DACH1: variants seen among roughly 807,000 people sequenced by gnomAD.
DACH1 encodes dachshund homolog 1.
A neutral mutation model predicts 54.2 loss-of-function variants in DACH1; 12 were observed. That is an observed-to-expected ratio of 0.22 (90% confidence interval 0.14 to 0.36). The LOEUF is 0.36. DACH1 is among the 10% of genes least tolerant of loss of function. DACH1 has a pLI of 1.00. For synonymous variants in DACH1, 386 were observed against 366.2 expected (o/e 1.05, Z -0.62); for missense variants, 805 against 929.8 (o/e 0.87, Z 1.75).
At position 71,559,830 on chromosome 13, in the gene DACH1, A is replaced by G. The variant is rs1202829247; in HGVS notation, c.1425T>C (p.Ser475=). The stretch of plus-strand genomic sequence containing the variant: ...AAGTATGAGACCTACGGATTCTGTC[A>G]GAAGAGCTCTCAGTCCGAGCAGGGG... The part of the protein sequence containing the change: ...SSSPARTESS[S]DRIPVHQNGL... Residue 475 remains serine, a synonymous_variant, in exon 5 of 11, where the codon TCT becomes TCC. Coordinates refer to ENST00000613252, the MANE Select transcript of DACH1 (RefSeq NM_080759.6). 3.7e-6 allele frequency: 6 copies of G among 1,613,778 alleles called. No individual in the cohort carries two copies. Among genetic ancestry groups the G allele is most frequent in the South Asian group, 2.2e-5 (2 of 91,070 alleles).
chr13:71,852,112 T>G (rs1463477209), intron 1 of DACH1, among the ~76,000 whole-genome samples: 1 of 152,182 alleles, frequency 6.6e-6, no homozygotes, highest in African/African-American at 2.4e-5. Context: ...GTACTGTCTG[T>G]CCACACTATG....
chr13:71,495,847 A>G (rs1879363152), intron 6 of DACH1, among the ~76,000 whole-genome samples: 1 of 152,142 alleles, frequency 6.6e-6, no homozygotes. Context: ...TATCAAAAAG[A>G]TACTTGCACT....
rs1473810479 is a variant in DACH1 at position 71,438,976 on chromosome 13, T to A, written c.*1679A>T. On this transcript the variant is annotated 3_prime_UTR_variant, in exon 11 of 11. Coordinates refer to ENST00000613252, the MANE Select transcript of DACH1 (RefSeq NM_080759.6). ...AAAGATGAACTTAGCTGGCTAATAG[T>A]GAGCTACACAAAAGAATTATGTTCC... 6.6e-6 allele frequency: 1 copy of A among 152,434 alleles called. No homozygotes were observed. Among genetic ancestry groups the A allele is most frequent in the African/African-American group, 2.4e-5 (1 of 41,444 alleles). The allele number at this position is 152,434 out of a possible 1,614,324, so 9.4% of individuals were successfully genotyped here.
At chr13:71,803,363 G>A (rs1887364005) in intron 1 of DACH1, among the ~76,000 whole-genome samples, 1 of 151,950 alleles carries the variant, frequency 6.6e-6, no homozygotes, top group African/African-American at 2.4e-5. Context: ...ATTTTTTGAT[G>A]CGTTTAACTA....
Position 71,535,458 on chromosome 13 carries a change from T to G in DACH1, c.1570+21566A>C, listed in dbSNP as rs574906480. Reference sequence around the variant, plus strand: ...AGAGTGATTGTGATTATCACAAATTTGGTCATGAAATAAGGAGACAGACTT... The same window carrying G: ...AGAGTGATTGTGATTATCACAAATTGGGTCATGAAATAAGGAGACAGACTT... On this transcript the variant is annotated intron_variant, in intron 6 of 10. Coordinates refer to ENST00000613252, the MANE Select transcript of DACH1 (RefSeq NM_080759.6). Among the ~76,000 whole-genome samples, 16 of 152,114 alleles carry G rather than the reference T, an allele frequency of 1.1e-4. No homozygotes were observed. In the East Asian group the frequency reaches 3.1e-3, roughly 29 times the overall value.
intron 6 of DACH1, among the ~76,000 whole-genome samples, chr13:71,543,176 G>T (rs1355365616): frequency 6.6e-6 from 1 of 152,102 alleles, no homozygotes; most frequent in Non-Finnish European, 1.5e-5. Context: ...TATGTTTATT[G>T]GGATCTGAAG....
intron 1 of DACH1, among the ~76,000 whole-genome samples, chr13:71,772,214 T>C (rs1156568244): frequency 6.6e-6 from 1 of 151,640 alleles, no homozygotes; most frequent in Non-Finnish European, 1.5e-5. Context: ...GTTTGAGTAA[T>C]TAACATTCCT....
chr13:71,520,980 A>G (rs1036617828), intron 6 of DACH1, among the ~76,000 whole-genome samples: 1 of 152,044 alleles, frequency 6.6e-6, no homozygotes, highest in Non-Finnish European at 1.5e-5. Flanking sequence ...TTTAAGCTCT[A>G]AACTCTACAG....
chr13:71,762,655 C>A (rs1885449765), intron 1 of DACH1, among the ~76,000 whole-genome samples: 2 of 150,326 alleles, frequency 1.3e-5, no homozygotes, highest in Admixed American at 1.3e-4. Flanking sequence ...TAATCCCAGC[C>A]ACTTGGGAAG....
At chr13:71,549,633 C>T (rs1229810241) in intron 6 of DACH1, among the ~76,000 whole-genome samples, 1 of 152,104 alleles carries the variant, frequency 6.6e-6, no homozygotes, top group Non-Finnish European at 1.5e-5. Flanking sequence ...CTGAGGTTGT[C>T]AACACCAATA....
intron 1 of DACH1, among the ~76,000 whole-genome samples, chr13:71,698,532 G>A (rs980454780): frequency 5.9e-5 from 9 of 151,300 alleles, no homozygotes; most frequent in Non-Finnish European, 1.2e-4. Context: ...GAAATAATGA[G>A]AGAGAGAGAG....
chr13:71,512,614 C>A (rs1165482383), intron 6 of DACH1, among the ~76,000 whole-genome samples: 1 of 151,870 alleles, frequency 6.6e-6, no homozygotes, highest in African/African-American at 2.4e-5. Context: ...ATAAACTTTT[C>A]TTGGATCTCA....
chr13:71,795,645 C>T (rs1460315925), intron 1 of DACH1, among the ~76,000 whole-genome samples: 2 of 152,248 alleles, frequency 1.3e-5, no homozygotes, highest in East Asian at 3.9e-4. Context: ...GCAGTATGTG[C>T]TACTGAGAAA....
chr13:71,833,070 G>T lies in DACH1; in HGVS notation c.848+32852C>A, dbSNP rs950969770. Among the ~76,000 whole-genome samples, 5 of 151,916 alleles carry T rather than the reference G, an allele frequency of 3.3e-5. No homozygotes were observed. In the South Asian group the frequency reaches 6.2e-4, roughly 19 times the overall value. On this transcript the variant is annotated intron_variant, in intron 1 of 10. Transcript: ENST00000613252. Reference sequence around the variant, plus strand: ...CCCTTCAGAATCTTCTGAGATCTATGTGAATAGAACGTTTTGAAAGCTACA... The same window carrying T: ...CCCTTCAGAATCTTCTGAGATCTATTTGAATAGAACGTTTTGAAAGCTACA...
intron 3 of DACH1, among the ~76,000 whole-genome samples, chr13:71,626,340 T>G (rs1876643693): frequency 6.6e-6 from 1 of 152,018 alleles, no homozygotes; most frequent in South Asian, 2.1e-4. Flanking sequence ...GTGATTAATT[T>G]AGTATTCTCA....
At position 71,616,296 on chromosome 13, in the gene DACH1, T is replaced by C. The variant is rs142419291; in HGVS notation, c.1126+14260A>G. Among the ~76,000 whole-genome samples the C allele has an allele frequency of 5.8e-3, 884 of 152,328 alleles. 12 individuals carry two copies. Among genetic ancestry groups the C allele is most frequent in the African/African-American group, 0.019 (807 of 41,562 alleles). The stretch of plus-strand genomic sequence containing the variant: ...GATGAACAGAAAAGGAAATGATGCA[T>C]GCATGAACAGCTGGAGGCATGAAGG... On this transcript the variant is annotated intron_variant, in intron 3 of 10. Coordinates refer to ENST00000613252, the MANE Select transcript of DACH1 (RefSeq NM_080759.6).
chr13:71,639,844 C>T (rs940536631), intron 2 of DACH1, among the ~76,000 whole-genome samples: 2 of 151,896 alleles, frequency 1.3e-5, no homozygotes, highest in African/African-American at 4.8e-5. Flanking sequence ...CAACTGTTAC[C>T]TAATTTATAA....
intron 6 of DACH1, among the ~76,000 whole-genome samples, chr13:71,516,568 T>G (rs1881175891): frequency 6.6e-6 from 1 of 151,846 alleles, no homozygotes; most frequent in Admixed American, 6.6e-5. Flanking sequence ...CACATATATA[T>G]TTTTAGAAAA....
At chr13:71,455,300 AGATAT>A (rs1231502877) in intron 10 of DACH1, among the ~76,000 whole-genome samples, 1 of 152,168 alleles carries the variant, frequency 6.6e-6, no homozygotes, top group Non-Finnish European at 1.5e-5. Context: ...AGAGATAGAT[AGATAT>A]ATCATATATC....
Sources: gnomAD v4.1 joint callset for allele counts (sites outside exome capture counted in the v4.1 genomes callset) on GRCh38, gnomAD v4.1.1 for gene constraint, MANE v1.5 for transcripts, NCBI Gene and HGNC (gene_info 2026-07-23, HGNC 2026-07-21) for gene names.